Variants in LZTS1 observed in about 807,000 individuals in gnomAD.
LZTS1 encodes the protein leucine zipper putative tumor suppressor 1.
In LZTS1, 31 loss-of-function variants were observed where a neutral mutation model predicts 45.8. That is an observed-to-expected ratio of 0.68 (90% CI 0.51 to 0.91). The LOEUF (loss-of-function observed/expected upper bound fraction) is 0.91, where lower values mean the gene tolerates loss of function less well. Ranked by LOEUF, LZTS1 falls within the 40% of genes least tolerant of loss-of-function variation. The probability of loss-of-function intolerance (pLI) is 0.00; values close to 1 mark genes in which losing one functional copy is unlikely to be tolerated. For missense variants in LZTS1, 821 were observed against 788.9 expected, an observed-to-expected ratio of 1.04 and a Z score of -0.49; for synonymous variants, 359 against 357.3, an observed-to-expected ratio of 1.00 and a Z score of -0.05.
intron 1 of LZTS1, among the ~76,000 whole-genome samples, chr8:20,271,975 C>T (rs1244736765): frequency 6.6e-6 from 1 of 152,228 alleles, no homozygotes; most frequent in African/African-American, 2.4e-5. Flanking sequence ...GTAGAAAGAA[C>T]AGCCACTGGA....
At position 20,252,875 on chromosome 8, in the gene LZTS1, G is replaced by T; in HGVS notation, c.1056C>A (p.Leu352=). ...TCTCCAGCAGGTCCTGCTCCTTCAT[G>T]AGGCTCTCGAGCTCCTGCCGGAGCT... The part of the protein sequence containing the change: ...KRQLRQELES[L]MKEQDLLETK... The change falls in exon 3 of 4, where the codon CTC becomes CTA. Residue 352 remains leucine (L), a synonymous_variant. Coordinates refer to ENST00000381569, the MANE Select transcript of LZTS1 (RefSeq NM_021020.5). 1 of 1,611,038 alleles carries T rather than the reference G, an allele frequency of 6.2e-7. No homozygotes were observed. The highest frequency in any genetic ancestry group is 8.5e-7 in the Non-Finnish European group (1 of 1,178,872).
rs1004712837 is a variant in LZTS1 at position 20,303,892 on chromosome 8, CG to C, written c.-288del. 12 of 984,898 alleles carry C rather than the reference CG, an allele frequency of 1.2e-5. No individual in the cohort carries two copies. Among genetic ancestry groups the C allele is most frequent in the Non-Finnish European group, 1.4e-5 (12 of 829,748 alleles). 61.0% of individuals were successfully genotyped at this position (984,898 alleles called of 1,614,324 possible). A position where few individuals can be genotyped will look rare whatever the true frequency, so the allele number is the denominator to read the frequency against. ...CCCGGCTCCCACTCACTGGCCGAGG[CG>C]GGCAGAGAAACTTTCGGCCTCCCCG... On this transcript the variant is annotated 5_prime_UTR_variant, in exon 1 of 4. Coordinates refer to ENST00000381569, the MANE Select transcript of LZTS1 (RefSeq NM_021020.5).
rs1009757195 is a variant in LZTS1, at chr8:20,248,182, C to G, written c.*1540G>C. ...AAAAAAATGAAAAGTTAGCCAGGCA[C>G]GGTGGCGCGCACCTGTAGTCCCAGC... On this transcript the variant is annotated 3_prime_UTR_variant, in exon 4 of 4. Transcript: ENST00000381569. The G allele has an allele frequency of 6.6e-6, 1 of 152,078 alleles. No individual in the cohort carries two copies. The highest frequency in any genetic ancestry group is 1.5e-5 in the Non-Finnish European group (1 of 68,104). 9.4% of individuals were successfully genotyped at this position (152,078 alleles called of 1,614,324 possible).
At chr8:20,254,644 G>T (rs1401652960) in intron 2 of LZTS1, among the ~76,000 whole-genome samples, 193 bp downstream of exon 2, 1 of 152,190 alleles carries the variant, frequency 6.6e-6, no homozygotes, top group Non-Finnish European at 1.5e-5. Flanking sequence ...ACTGAGCGAT[G>T]CTCTAATTCC....
At chr8:20,262,510 A>G (rs1341541814) in intron 1 of LZTS1, among the ~76,000 whole-genome samples, 5 of 152,074 alleles carry the variant, frequency 3.3e-5, no homozygotes, top group African/African-American at 1.2e-4. Context: ...CTTTAGATGG[A>G]GTGGCCAGGA....
intron 2 of LZTS1, among the ~76,000 whole-genome samples, chr8:20,254,064 A>G (rs1800024209): frequency 6.6e-6 from 1 of 152,148 alleles, no homozygotes; most frequent in Admixed American, 6.5e-5. Flanking sequence ...TTAAAACTGT[A>G]ATTTTCCCTG....
At chr8:20,292,373 C>T (rs540820494) in intron 1 of LZTS1, among the ~76,000 whole-genome samples, 1 of 152,220 alleles carries the variant, frequency 6.6e-6, no homozygotes, top group African/African-American at 2.4e-5. Context: ...CTGACTGGCA[C>T]CCAGCAACCC....
chr8:20,298,063 T>C (rs182920552), intron 1 of LZTS1, among the ~76,000 whole-genome samples: 31 of 152,150 alleles, frequency 2.0e-4, no homozygotes, highest in African/African-American at 7.2e-4. Flanking sequence ...TTTTTTTTTG[T>C]TTTTTATTTA....
chr8:20,247,288 C>T lies in LZTS1; in HGVS notation c.*2434G>A, dbSNP rs1701179712. 6.6e-6 allele frequency: 1 copy of T among 151,594 alleles called. No homozygotes were observed. The highest frequency in any genetic ancestry group is 2.5e-5 in the African/African-American group (1 of 40,756). 9.4% of individuals were successfully genotyped at this position (151,594 alleles called of 1,614,324 possible). A position where few individuals can be genotyped will look rare whatever the true frequency, so the allele number is the denominator to read the frequency against. ...GGCCTTCCCCTGGGTGTGGCAGCCACTTCTTCTCAGGCAACGTCTGAGGCA... is the reference window on the plus strand; with the variant it reads ...GGCCTTCCCCTGGGTGTGGCAGCCATTTCTTCTCAGGCAACGTCTGAGGCA... On this transcript the variant is annotated 3_prime_UTR_variant, in exon 4 of 4. Transcript: ENST00000381569.
intron 1 of LZTS1, among the ~76,000 whole-genome samples, chr8:20,260,365 T>C (rs1032869071): frequency 1.3e-5 from 2 of 152,162 alleles, no homozygotes; most frequent in African/African-American, 4.8e-5. Flanking sequence ...GGTTTTTGTA[T>C]CTAGAGCTCC....
In LZTS1 at chr8:20,248,792, C is replaced by T. The variant is rs1192462116; in HGVS notation, c.*930G>A. 6.6e-6 allele frequency: 1 copy of T among 152,328 alleles called. No individual in the cohort carries two copies. Among genetic ancestry groups the T allele is most frequent in the Admixed American group, 6.6e-5 (1 of 15,252 alleles). The allele number at this position is 152,328 out of a possible 1,614,324, so 9.4% of individuals were successfully genotyped here. On this transcript the variant is annotated 3_prime_UTR_variant, in exon 4 of 4. Transcript: ENST00000381569. ...GGAGGGAAAAACATTCCAGAGTAGCCGCCGGCCAACGTGAAGCAGGTAGGG... is the reference window on the plus strand; with the variant it reads ...GGAGGGAAAAACATTCCAGAGTAGCTGCCGGCCAACGTGAAGCAGGTAGGG...
chr8:20,283,563 C>T (rs187660280), intron 1 of LZTS1, among the ~76,000 whole-genome samples: 1 of 152,256 alleles, frequency 6.6e-6, no homozygotes, highest in Non-Finnish European at 1.5e-5. Context: ...GAGAGGGATA[C>T]AATTTCAGCA....
In LZTS1 at chr8:20,252,857, C is replaced by A; in HGVS notation, c.1074G>T (p.Leu358=). 1 of 1,596,164 alleles carries A rather than the reference C, an allele frequency of 6.3e-7. No individual in the cohort carries two copies. The highest frequency in any genetic ancestry group is 8.5e-7 in the Non-Finnish European group (1 of 1,170,890). ...ELESLMKEQD[L]LETKLRSYER... is the part of the protein sequence containing the mutation. ...CGTAGGACCTGAGCTTGGTCTCCAG[C>A]AGGTCCTGCTCCTTCATGAGGCTCT... is the stretch of plus-strand genomic sequence containing the variant. The change falls in exon 3 of 4, where the codon CTG becomes CTT. Residue 358 remains leucine, a synonymous_variant. Transcript: ENST00000381569.
At chr8:20,257,353 C>G (rs1242663512) in intron 1 of LZTS1, among the ~76,000 whole-genome samples, 1 of 151,872 alleles carries the variant, frequency 6.6e-6, no homozygotes, top group Non-Finnish European at 1.5e-5. Context: ...GACTGAGTTC[C>G]TGTCTCAAAA....
chr8:20,300,600 G>C (rs1231413737), intron 1 of LZTS1, among the ~76,000 whole-genome samples: 3 of 152,176 alleles, frequency 2.0e-5, no homozygotes, highest in Admixed American at 2.0e-4. Flanking sequence ...CCAAAGTGCT[G>C]AGATTACAAG....
chr8:20,264,594 G>A (rs973082262), intron 1 of LZTS1, among the ~76,000 whole-genome samples: 1 of 152,156 alleles, frequency 6.6e-6, no homozygotes, highest in African/African-American at 2.4e-5. Flanking sequence ...TGAGGCCCAG[G>A]GAGGAGCCCT....
chr8:20,298,382 G>A (rs898910183), intron 1 of LZTS1, among the ~76,000 whole-genome samples: 7 of 152,254 alleles, frequency 4.6e-5, no homozygotes, highest in Middle Eastern at 3.4e-3. Flanking sequence ...TTTCAAAGGC[G>A]CACTTGGTTT....
At chr8:20,286,296 A>C (rs1204659845) in intron 1 of LZTS1, among the ~76,000 whole-genome samples, 1 of 152,256 alleles carries the variant, frequency 6.6e-6, no homozygotes, top group Non-Finnish European at 1.5e-5. Flanking sequence ...TCTCTAATAG[A>C]AAAACAGAAA....
At position 20,299,898 on chromosome 8, in the gene LZTS1, G is replaced by A. The variant is rs141264459; in HGVS notation, c.-135+3842C>T. Among the ~76,000 whole-genome samples, 6 of 152,266 alleles carry A rather than the reference G, an allele frequency of 3.9e-5. No homozygotes were observed. In the East Asian group the frequency reaches 5.8e-4, roughly 15 times the overall value. The stretch of plus-strand genomic sequence containing the variant: ...TGTAAATCACCTCAAGATTCCCCAC[G>A]TAGTTGGATACTTCTTTGTTGGCAA... On this transcript the variant is annotated intron_variant, in intron 1 of 3. Coordinates refer to ENST00000381569, the MANE Select transcript of LZTS1 (RefSeq NM_021020.5).
Sources: allele counts gnomAD v4.1 joint callset (sites outside exome capture counted in the v4.1 genomes callset), GRCh38; gene constraint gnomAD v4.1.1; transcripts MANE v1.5; gene names NCBI Gene and HGNC (gene_info 2026-07-23, HGNC 2026-07-21).